Variants in SPON1 observed in about 807,000 individuals in gnomAD.
SPON1 encodes the protein spondin 1.
Under a neutral mutation model 111.7 loss-of-function variants are expected in SPON1, and 52 were observed. That is an observed-to-expected ratio of 0.47 (90% CI 0.37 to 0.59). The LOEUF is 0.59. Among genes scored for constraint, SPON1 ranks in the 20% least tolerant of loss-of-function variants. SPON1 has a pLI of 0.00. For synonymous variants in SPON1, 410 were observed against 395.8 expected (o/e 1.04, Z -0.43); for missense variants, 957 against 1,068.5 (o/e 0.90, Z 1.46).
chr11:13,969,906 C>T lies in SPON1; in HGVS notation c.238+6764C>T, dbSNP rs371900194. On this transcript the variant is annotated intron_variant, in intron 1 of 15. Coordinates refer to ENST00000576479, the MANE Select transcript of SPON1 (RefSeq NM_006108.4). ...GTAGCAGATAAACCCTTGGTTTGCT[C>T]TGACATGCAAGTACAAAATCTTCAT... Among the ~76,000 whole-genome samples, 7 of 152,330 alleles carry T rather than the reference C, an allele frequency of 4.6e-5. No individual in the cohort carries two copies. The East Asian group carries it at 9.6e-4, about 21-fold the overall frequency.
chr11:14,168,366 GCTT>G (rs1848055784), intron 6 of SPON1, among the ~76,000 whole-genome samples: 1 of 152,120 alleles, frequency 6.6e-6, no homozygotes, highest in Non-Finnish European at 1.5e-5. Context: ...AGGCATTAAA[GCTT>G]CTTTTTTCTG....
intron 15 of SPON1, among the ~76,000 whole-genome samples, chr11:14,263,829 G>C (rs769805136): frequency 1.3e-5 from 2 of 152,074 alleles, no homozygotes; most frequent in African/African-American, 2.4e-5. Flanking sequence ...AGGAGTTTGA[G>C]ACCAGCCTGG....
intron 2 of SPON1, among the ~76,000 whole-genome samples, chr11:14,013,185 A>T (rs1270771692): frequency 6.6e-6 from 1 of 152,200 alleles, no homozygotes; most frequent in Non-Finnish European, 1.5e-5. Flanking sequence ...CCATGCTAAC[A>T]ACTTCTGCTA....
intron 3 of SPON1, among the ~76,000 whole-genome samples, chr11:14,042,681 AT>A (rs1328496702): frequency 6.6e-6 from 1 of 152,108 alleles, no homozygotes; most frequent in East Asian, 1.9e-4. Context: ...TTATTTATGT[AT>A]TTGGTTCATT....
At chr11:14,252,733 G>A (rs1849066188) in intron 7 of SPON1, among the ~76,000 whole-genome samples, 2 of 152,278 alleles carry the variant, frequency 1.3e-5, no homozygotes, top group African/African-American at 4.8e-5. Flanking sequence ...CTATGTATCT[G>A]CCTCAGCTGA....
chr11:14,075,464 GCA>G, intron 4 of SPON1, 46 bp downstream of exon 4: 1 of 1,371,670 alleles, frequency 7.3e-7, no homozygotes, highest in South Asian at 1.2e-5. Context: ...GACATGGAAG[GCA>G]GCTCCTCCTG....
chr11:14,185,055 A>G (rs543774656), intron 6 of SPON1, among the ~76,000 whole-genome samples: 47 of 152,332 alleles, frequency 3.1e-4, no homozygotes, highest in Admixed American at 8.5e-4. Flanking sequence ...TAACCCTTCC[A>G]GAGCCACATG....
intron 6 of SPON1, among the ~76,000 whole-genome samples, chr11:14,241,730 C>T (rs1848929040): frequency 6.6e-6 from 1 of 152,070 alleles, no homozygotes; most frequent in Non-Finnish European, 1.5e-5. Flanking sequence ...TATATGACTT[C>T]AAGATAAACA....
chr11:14,083,526 C>T (rs1219233707), intron 5 of SPON1, among the ~76,000 whole-genome samples: 1 of 152,152 alleles, frequency 6.6e-6, no homozygotes, highest in Non-Finnish European at 1.5e-5. Flanking sequence ...AAAGTCATTG[C>T]TTTACCTTCT....
chr11:14,119,502 A>G (rs1490817750), intron 5 of SPON1, among the ~76,000 whole-genome samples: 2 of 152,136 alleles, frequency 1.3e-5, no homozygotes, highest in East Asian at 1.9e-4. Context: ...TTGACTCTCA[A>G]AGCTTCAGAG....
intron 3 of SPON1, among the ~76,000 whole-genome samples, chr11:14,052,591 G>A (rs1409510740): frequency 6.6e-6 from 1 of 152,202 alleles, no homozygotes; most frequent in Non-Finnish European, 1.5e-5. Flanking sequence ...CAGATTCTTG[G>A]GAGAGCAGTT....
chr11:14,182,721 C>T (rs782612647), intron 6 of SPON1, among the ~76,000 whole-genome samples: 11 of 152,306 alleles, frequency 7.2e-5, no homozygotes, highest in Middle Eastern at 6.8e-3. Flanking sequence ...ATAAAAGGCT[C>T]CTTTTTCTAA....
chr11:13,968,672 G>T (rs1170426296), intron 1 of SPON1, among the ~76,000 whole-genome samples: 2 of 152,102 alleles, frequency 1.3e-5, no homozygotes, highest in Non-Finnish European at 2.9e-5. Flanking sequence ...GTTCTCCTCA[G>T]CACCGTTACA....
chr11:13,984,992 A>C (rs1554910149), intron 2 of SPON1, among the ~76,000 whole-genome samples: 1 of 152,180 alleles, frequency 6.6e-6, no homozygotes, highest in South Asian at 2.1e-4. Context: ...TGGTTCTCAG[A>C]ATGCAGTCTC....
intron 2 of SPON1, among the ~76,000 whole-genome samples, chr11:14,034,790 A>G (rs569486305): frequency 5.3e-5 from 8 of 152,326 alleles, no homozygotes; most frequent in African/African-American, 1.9e-4. Context: ...GTTCCTATCA[A>G]AGGTCCAGTG....
intron 6 of SPON1, among the ~76,000 whole-genome samples, chr11:14,169,346 GTTTT>G (rs782013256): frequency 6.0e-5 from 9 of 149,030 alleles, no homozygotes; most frequent in African/African-American, 2.2e-4. Context: ...TTTTGATGGG[GTTTT>G]TTTTTTCTTG....
rs1554907603 is a variant in SPON1, at chr11:13,962,859, C to A, written c.-46C>A. 1 of 1,404,604 alleles carries A rather than the reference C, an allele frequency of 7.1e-7. No homozygotes were observed. The highest frequency in any genetic ancestry group is 1.6e-5 in the South Asian group (1 of 64,516). 87.0% of individuals were successfully genotyped at this position (1,404,604 alleles called of 1,614,324 possible). A position where few individuals can be genotyped will look rare whatever the true frequency, so the allele number is the denominator to read the frequency against. The stretch of plus-strand genomic sequence containing the variant: ...TCGGGACCACTTCGGGCAGGAGTCG[C>A]GTGGCGAAGGCCTGCGGCCGCGGCA... On this transcript the variant is annotated 5_prime_UTR_variant, in exon 1 of 16. Transcript: ENST00000576479.
At chr11:14,075,468 C>A in intron 4 of SPON1, 50 bp downstream of exon 4, 1 of 1,327,856 alleles carries the variant, frequency 7.5e-7, no homozygotes, top group Non-Finnish European at 1.1e-6. Flanking sequence ...TGGAAGGCAG[C>A]TCCTCCTGCA....
At chr11:14,241,788 C>T (rs1305236959) in intron 6 of SPON1, among the ~76,000 whole-genome samples, 7 of 152,166 alleles carry the variant, frequency 4.6e-5, no homozygotes, top group African/African-American at 1.7e-4. Context: ...AGAAGGGATA[C>T]ACTGTAAACA....
Sources: allele counts gnomAD v4.1 joint callset (sites outside exome capture counted in the v4.1 genomes callset), GRCh38; gene constraint gnomAD v4.1.1; transcripts MANE v1.5; gene names NCBI Gene and HGNC (gene_info 2026-07-23, HGNC 2026-07-21).